The following UGT1A9 variants were observed in gnomAD, a reference collection of about 807,000 sequenced individuals.
UGT1A9 encodes UDP-glucuronosyltransferase 1A9.
A neutral mutation model predicts 45.0 loss-of-function variants in UGT1A9; 35 were observed. That is an observed-to-expected ratio of 0.78 (90% CI 0.59 to 1.03). UGT1A9 has a LOEUF of 1.03. Among genes scored for constraint, UGT1A9 ranks in the 50% least tolerant of loss-of-function variants. UGT1A9 has a pLI of 0.00. For missense variants in UGT1A9, 687 were observed against 666.6 expected (o/e 1.03, Z -0.34); for synonymous variants, 278 against 250.6 (o/e 1.11, Z -1.03).
rs28946879 is a variant in UGT1A9 at position 233,690,780 on chromosome 2, C to T, written c.855+17991C>T. ...AGACATACACACACACACACATACA[C>T]ACACACACACACACACACACCATTC... On this transcript the variant is annotated intron_variant, in intron 1 of 4. Transcript: ENST00000354728. 3.4e-4 allele frequency: 118 copies of T among 349,000 alleles called. No individual in the cohort carries two copies. The African/African-American group carries it at 4.1e-3, about 12-fold the overall frequency. The allele number at this position is 349,000 out of a possible 1,614,324, so 21.6% of individuals were successfully genotyped here. A position where few individuals can be genotyped will look rare whatever the true frequency, so the allele number is the denominator to read the frequency against.
chr2:233,685,013 A>G (rs896439822), intron 1 of UGT1A9, among the ~76,000 whole-genome samples: 3 of 152,124 alleles, frequency 2.0e-5, no homozygotes, highest in African/African-American at 7.2e-5. Context: ...TTGTGCACGT[A>G]TGTGTCTGTA....
chr2:233,702,667 T>C (rs1575474362), intron 1 of UGT1A9, among the ~76,000 whole-genome samples: 2 of 152,194 alleles, frequency 1.3e-5, no homozygotes, highest in South Asian at 4.1e-4. Context: ...AGTATTCTTA[T>C]CATACCTGAG....
Position 233,672,300 on chromosome 2 carries a change from A to G in UGT1A9, c.366A>G (p.Ser122=), listed in dbSNP as rs1400844139. 1 of 1,613,686 alleles carries G rather than the reference A, an allele frequency of 6.2e-7. No homozygotes were observed. ...ATGACATTTTTGACTTATTTTTTTCAAATTGCAGGAGTTTGTTTAAAGACA... is the reference window on the plus strand; with the variant it reads ...ATGACATTTTTGACTTATTTTTTTCGAATTGCAGGAGTTTGTTTAAAGACA... ...SYNDIFDLFF[S]NCRSLFKDKK... Residue 122 remains serine (S), a synonymous_variant, in exon 1 of 5, where the codon TCA becomes TCG. Coordinates refer to ENST00000354728, the MANE Select transcript of UGT1A9 (RefSeq NM_021027.3).
At chr2:233,772,199 A>T (rs1700481420) in intron 4 of UGT1A9, 63 bp from the exon 5 acceptor site, 2 of 1,605,338 alleles carry the variant, frequency 1.2e-6, no homozygotes, top group African/African-American at 1.3e-5. Flanking sequence ...AGCCATGAGC[A>T]TAAAGAGAGG....
intron 1 of UGT1A9, chr2:233,690,463 C>A (rs2074991463): frequency 7.8e-7 from 1 of 1,289,030 alleles, no homozygotes; most frequent in Middle Eastern, 2.1e-4. Context: ...TGCCAGCTAT[C>A]CTCCATTTAC....
At chr2:233,677,205 G>A (rs1215471855) in intron 1 of UGT1A9, among the ~76,000 whole-genome samples, 12 of 152,124 alleles carry the variant, frequency 7.9e-5, no homozygotes. Context: ...TCCGTCATCA[G>A]TGCTCTGTAG....
chr2:233,705,478 A>G (rs1475008681), intron 1 of UGT1A9, among the ~76,000 whole-genome samples: 1 of 152,162 alleles, frequency 6.6e-6, no homozygotes, highest in East Asian at 1.9e-4. Context: ...CATGAGGCAA[A>G]TTTAATGATA....
intron 1 of UGT1A9, among the ~76,000 whole-genome samples, chr2:233,763,098 A>G (rs1698235634): frequency 6.6e-6 from 1 of 152,204 alleles, no homozygotes; most frequent in South Asian, 2.1e-4. Context: ...TAGGAGAGGC[A>G]CCGAACTTTA....
intron 1 of UGT1A9, chr2:233,691,925 A>G (rs995732624): frequency 2.3e-4 from 35 of 152,536 alleles, no homozygotes; most frequent in African/African-American, 7.9e-4. Context: ...GGTGGGAGCG[A>G]TAAACGTGAA....
chr2:233,677,565 CAT>C (rs1413682224), intron 1 of UGT1A9, among the ~76,000 whole-genome samples: 2 of 151,996 alleles, frequency 1.3e-5, no homozygotes, highest in African/African-American at 4.8e-5. Context: ...AAAAACGTAA[CAT>C]ATGAAAAAAT....
intron 1 of UGT1A9, among the ~76,000 whole-genome samples, chr2:233,723,507 G>A (rs1209315085): frequency 7.7e-6 from 1 of 130,328 alleles, no homozygotes; most frequent in African/African-American, 3.2e-5. Flanking sequence ...ACTGCACCTG[G>A]TCAACAATCT....
intron 1 of UGT1A9, among the ~76,000 whole-genome samples, chr2:233,677,405 T>C (rs2074389649): frequency 6.6e-6 from 1 of 152,202 alleles, no homozygotes; most frequent in African/African-American, 2.4e-5. Context: ...GAACTTTTGA[T>C]TCTCCAAAAA....
chr2:233,758,651 G>A (rs1039863868), intron 1 of UGT1A9, among the ~76,000 whole-genome samples: 3 of 151,900 alleles, frequency 2.0e-5, no homozygotes, highest in African/African-American at 7.3e-5. Context: ...AGAATGAGAG[G>A]GTACCCTAAT....
chr2:233,714,781 C>T (rs2076411817), intron 1 of UGT1A9, among the ~76,000 whole-genome samples: 1 of 152,136 alleles, frequency 6.6e-6, no homozygotes, highest in Non-Finnish European at 1.5e-5. Flanking sequence ...TTTGGAATAG[C>T]CACATTTCAA....
intron 1 of UGT1A9, chr2:233,682,877 A>G: frequency 6.6e-7 from 1 of 1,516,812 alleles, no homozygotes; most frequent in Non-Finnish European, 8.8e-7. Context: ...TTTATCATTT[A>G]CATTTGTCCC....
chr2:233,743,528 A>G (rs1026990918), intron 1 of UGT1A9: 10 of 1,367,274 alleles, frequency 7.3e-6, no homozygotes, highest in East Asian at 9.1e-5. Flanking sequence ...CTGCTTCCCC[A>G]GCAGTTCCTC....
At chr2:233,714,594 T>C (rs2076398769) in intron 1 of UGT1A9, among the ~76,000 whole-genome samples, 1 of 152,248 alleles carries the variant, frequency 6.6e-6, no homozygotes. Flanking sequence ...ACTTTTCTAG[T>C]GGGCATGTTA....
At position 233,729,327 on chromosome 2, in the gene UGT1A9, G is replaced by A. The variant is rs199842881; in HGVS notation, c.856-37707G>A. On this transcript the variant is annotated intron_variant, in intron 1 of 4. Coordinates refer to ENST00000354728, the MANE Select transcript of UGT1A9 (RefSeq NM_021027.3). ...TGGTCCTCACCCCAGAGGTGAATATGCACATCAAAGAAGAGAACTTTTTCA... is the reference window on the plus strand; with the variant it reads ...TGGTCCTCACCCCAGAGGTGAATATACACATCAAAGAAGAGAACTTTTTCA... 117 of 1,614,124 alleles carry A rather than the reference G, an allele frequency of 7.2e-5. No individual in the cohort carries two copies. The highest frequency in any genetic ancestry group is 9.6e-5 in the Non-Finnish European group (113 of 1,180,042).
chr2:233,713,507 C>T (rs113654637), intron 1 of UGT1A9: 65 of 1,613,816 alleles, frequency 4.0e-5, no homozygotes, highest in Admixed American at 2.7e-4. Context: ...CTGTGTTTTT[C>T]TTGAGGAACA....
Sources: gnomAD v4.1 joint callset for allele counts (sites outside exome capture counted in the v4.1 genomes callset) on GRCh38, gnomAD v4.1.1 for gene constraint, MANE v1.5 for transcripts, NCBI Gene and HGNC (gene_info 2026-07-23, HGNC 2026-07-21) for gene names.